Variants in ADAMTS6 observed in about 807,000 individuals in gnomAD.
The protein encoded by ADAMTS6 is ADAM metallopeptidase with thrombospondin type 1 motif 6.
Under a neutral mutation model 144.3 loss-of-function variants are expected in ADAMTS6, and 23 were observed. The observed-to-expected ratio is 0.16, with a 90% CI of 0.11 to 0.23. ADAMTS6 has a LOEUF of 0.23. Among genes scored for constraint, ADAMTS6 ranks in the 10% least tolerant of loss-of-function variants. The pLI is 1.00. For synonymous variants in ADAMTS6, 444 were observed against 457.5 expected, an observed-to-expected ratio of 0.97 and a Z score of 0.38; for missense variants, 999 against 1,379.6, an observed-to-expected ratio of 0.72 and a Z score of 4.37.
rs536590143 is a variant in ADAMTS6, at chr5:65,408,387, CAA to C, written c.1073+43086_1073+43087del. ...AAACAGACTTTAAACCAACAAAGAT[CAA>C]AAGAGACAAAGAAGGCCATCACATA... On this transcript the variant is annotated intron_variant, in intron 7 of 24. Transcript: ENST00000381055. Among the ~76,000 whole-genome samples, 169 of 152,180 alleles carry C rather than the reference CAA, an allele frequency of 1.1e-3. 1 individual carries two copies. The highest frequency in any genetic ancestry group is 3.7e-3 in the African/African-American group (155 of 41,518).
intron 20 of ADAMTS6, among the ~76,000 whole-genome samples, chr5:65,204,859 C>A (rs924081828): frequency 2.6e-5 from 4 of 152,166 alleles, no homozygotes; most frequent in Non-Finnish European, 5.9e-5. Context: ...TACAACCCCA[C>A]ACAGAAACTA....
intron 7 of ADAMTS6, among the ~76,000 whole-genome samples, chr5:65,345,728 G>C (rs1208634684): frequency 6.6e-6 from 1 of 151,780 alleles, no homozygotes; most frequent in East Asian, 1.9e-4. Flanking sequence ...AGTCACTTTT[G>C]AGTCTTCCCT....
chr5:65,478,449 T>C (rs549917194), intron 1 of ADAMTS6, among the ~76,000 whole-genome samples: 2 of 152,348 alleles, frequency 1.3e-5, no homozygotes, highest in South Asian at 4.1e-4. Flanking sequence ...CCCAGTTACT[T>C]AACCTCTCTG....
rs1334233600 is a variant in ADAMTS6, at chr5:65,388,141, C to T, written c.1074-54056G>A. Among the ~76,000 whole-genome samples the T allele has an allele frequency of 6.6e-5, 10 of 152,196 alleles. No homozygotes were observed. The South Asian group carries it at 1.9e-3, about 28-fold the overall frequency. On this transcript the variant is annotated intron_variant, in intron 7 of 24. Coordinates refer to ENST00000381055, the MANE Select transcript of ADAMTS6 (RefSeq NM_197941.4). ...AGGAGAATCGCTTGAACCCAGGAGG[C>T]AGAGTTGCGGTGAGCCAAGATCGCG...
chr5:65,201,469 T>C (rs1755734361), intron 20 of ADAMTS6, among the ~76,000 whole-genome samples: 1 of 152,178 alleles, frequency 6.6e-6, no homozygotes, highest in Admixed American at 6.5e-5. Context: ...AATTACAACT[T>C]GAATTTAACT....
At chr5:65,337,594 C>T (rs1747424389) in intron 7 of ADAMTS6, among the ~76,000 whole-genome samples, 1 of 152,010 alleles carries the variant, frequency 6.6e-6, no homozygotes, top group African/African-American at 2.4e-5. Context: ...AAATATGAAC[C>T]AGCTTATTTC....
At chr5:65,298,143 T>C (rs541901197) in intron 10 of ADAMTS6, among the ~76,000 whole-genome samples, 7 of 152,194 alleles carry the variant, frequency 4.6e-5, no homozygotes, top group African/African-American at 9.6e-5. Flanking sequence ...CCTTTTGGAG[T>C]GTCTTAGCCT....
At chr5:65,474,293 A>G (rs1760680090) in intron 1 of ADAMTS6, among the ~76,000 whole-genome samples, 1 of 152,156 alleles carries the variant, frequency 6.6e-6, no homozygotes. Context: ...ACTTCAGTTC[A>G]TTATATGTGA....
rs548877711 is a variant in ADAMTS6 at position 65,387,668 on chromosome 5, A to T, written c.1074-53583T>A. Among the ~76,000 whole-genome samples the T allele has an allele frequency of 2.6e-5, 4 of 152,318 alleles. No individual in the cohort carries two copies. In the South Asian group the frequency reaches 8.3e-4, roughly 32 times the overall value. On this transcript the variant is annotated intron_variant, in intron 7 of 24. Coordinates refer to ENST00000381055, the MANE Select transcript of ADAMTS6 (RefSeq NM_197941.4). ...AGCGTGGTAAAGAAGGAGAGCATCA[A>T]TAACTCGTTTGATGTTCACCTCATG...
chr5:65,260,622 C>T lies in ADAMTS6; in HGVS notation c.1808G>A (p.Arg603Gln), dbSNP rs754136006. The T allele has an allele frequency of 1.9e-5, 31 of 1,613,292 alleles. No homozygotes were observed. The highest frequency in any genetic ancestry group is 2.7e-5 in the African/African-American group (2 of 74,852). ...TACATCTGTGTTACAGGAGCGATAC[C>T]GTTTCCTTTCCCCAAGGCAATATTT... ...GGKYCLGERK[R>Q]YRSCNTDPCP... Residue 603 changes from arginine (R) to glutamine (Q), a missense_variant, in exon 14 of 25, where the codon CGG becomes CAG. Physicochemically the swap from Arg to Gln is conservative, Grantham distance 43. Coordinates refer to ENST00000381055, the MANE Select transcript of ADAMTS6 (RefSeq NM_197941.4).
intron 7 of ADAMTS6, among the ~76,000 whole-genome samples, chr5:65,397,442 A>G (rs756342070): frequency 2.0e-5 from 3 of 152,022 alleles, no homozygotes; most frequent in Admixed American, 6.6e-5. Flanking sequence ...AATATATGCA[A>G]CCAATGTTAT....
At chr5:65,243,682 C>A (rs1478724314) in intron 14 of ADAMTS6, among the ~76,000 whole-genome samples, 1 of 151,936 alleles carries the variant, frequency 6.6e-6, no homozygotes, top group Non-Finnish European at 1.5e-5. Flanking sequence ...ATCTTTGGAT[C>A]TTCAGAGTGC....
At chr5:65,344,744 T>A (rs1376605412) in intron 7 of ADAMTS6, among the ~76,000 whole-genome samples, 3 of 151,846 alleles carry the variant, frequency 2.0e-5, no homozygotes, top group African/African-American at 7.2e-5. Context: ...GTCCACTCTG[T>A]CCTCTCTTTT....
intron 11 of ADAMTS6, among the ~76,000 whole-genome samples, chr5:65,284,646 A>G (rs1478313849): frequency 6.6e-6 from 1 of 152,140 alleles, no homozygotes; most frequent in Non-Finnish European, 1.5e-5. Context: ...GCACTCAACC[A>G]CTTGTAGATT....
chr5:65,452,063 T>A, intron 6 of ADAMTS6, 70 bp downstream of exon 6: 1 of 1,179,826 alleles, frequency 8.5e-7, no homozygotes, highest in South Asian at 1.8e-5. Context: ...TATTATTTAA[T>A]AATAAGTAAT....
At chr5:65,288,624 G>A (rs1580304357) in intron 11 of ADAMTS6, among the ~76,000 whole-genome samples, 2 of 151,998 alleles carry the variant, frequency 1.3e-5, no homozygotes, top group East Asian at 3.9e-4. Flanking sequence ...GGCCCATTCT[G>A]TAGTTCTTTA....
At chr5:65,392,329 C>T (rs1752994694) in intron 7 of ADAMTS6, among the ~76,000 whole-genome samples, 1 of 152,062 alleles carries the variant, frequency 6.6e-6, no homozygotes, top group South Asian at 2.1e-4. Flanking sequence ...CATCAAAATC[C>T]TCCCCCAAAT....
intron 9 of ADAMTS6, among the ~76,000 whole-genome samples, chr5:65,327,341 A>G (rs967779125): frequency 1.3e-5 from 2 of 152,174 alleles, no homozygotes; most frequent in African/African-American, 4.8e-5. Flanking sequence ...AACACAAAAC[A>G]GACTATATAT....
chr5:65,181,793 T>G (rs1265573329), intron 22 of ADAMTS6, among the ~76,000 whole-genome samples: 1 of 152,230 alleles, frequency 6.6e-6, no homozygotes, highest in Admixed American at 6.5e-5. Context: ...ACATATAGGA[T>G]GTATACGGAA....
Sources: allele counts gnomAD v4.1 joint callset (sites outside exome capture counted in the v4.1 genomes callset), GRCh38; gene constraint gnomAD v4.1.1; transcripts MANE v1.5; gene names NCBI Gene and HGNC (gene_info 2026-07-23, HGNC 2026-07-21).